Variants in LRCH4 observed in about 807,000 individuals in gnomAD.
LRCH4 encodes the protein leucine-rich repeat and calponin homology domain-containing protein 4.
In LRCH4, 56 loss-of-function variants were observed where a neutral mutation model predicts 81.2. The ratio of observed to expected loss-of-function variants is 0.69; its 90% CI spans 0.56 to 0.86. The LOEUF (loss-of-function observed/expected upper bound fraction) is 0.86. Ranked by LOEUF, LRCH4 falls within the 40% of genes least tolerant of loss-of-function variation. LRCH4 has a pLI of 0.00. For missense variants in LRCH4, 895 were observed against 922.8 expected (o/e 0.97, Z 0.39); for synonymous variants, 442 against 409.7 (o/e 1.08, Z -0.95).
At position 100,576,227 on chromosome 7, in the gene LRCH4, C is replaced by T; in HGVS notation, c.1638+11G>A. The T allele has an allele frequency of 1.2e-6, 2 of 1,613,534 alleles. No individual in the cohort carries two copies. The highest frequency in any genetic ancestry group is 1.7e-6 in the Non-Finnish European group (2 of 1,179,740). ...CAGGCCCCTGCCCACGCAGCTCCCGCCTCTGCTCACCTGGCGCAGCTGAGT... is the reference window on the plus strand; with the variant it reads ...CAGGCCCCTGCCCACGCAGCTCCCGTCTCTGCTCACCTGGCGCAGCTGAGT... On this transcript the variant is annotated intron_variant, in intron 15 of 17. Coordinates refer to ENST00000310300, the MANE Select transcript of LRCH4 (RefSeq NM_002319.5).
chr7:100,577,671 G>A lies in LRCH4; in HGVS notation c.1109C>T (p.Thr370Ile), dbSNP rs942529635. 4 of 1,613,666 alleles carry A rather than the reference G, an allele frequency of 2.5e-6. No individual in the cohort carries two copies. In the African/African-American group the frequency reaches 5.3e-5, roughly 22 times the overall value. Residue 370 changes from threonine to isoleucine, a missense_variant, in exon 9 of 18, where the codon ACT becomes ATT. Transcript: ENST00000310300. This position sits in a 1 kb window ranked among gnomAD's most constrained non-coding sequence, Gnocchi z 6.7. ...GCATAGCTGGGCTCTCACCTCCACA[G>A]TGCCTCGCTCTTCATCCTCCCCGGG... ...HVPGEDEERG[T>I]VEEQRPPELS...
rs60247889 is a variant in LRCH4 at position 100,574,461 on chromosome 7, C to T, written c.*646G>A. ...CGAGCATCACCGTGCGCTCGGGGCT[C>T]GGCGACAAATGAGACGCAAGAAAGC... On this transcript the variant is annotated 3_prime_UTR_variant, in exon 18 of 18. Coordinates refer to ENST00000310300, the MANE Select transcript of LRCH4 (RefSeq NM_002319.5). 19,029 of 153,144 alleles carry T rather than the reference C, an allele frequency of 0.12. 1,298 individuals carry two copies. Among genetic ancestry groups the T allele is most frequent in the African/African-American group, 0.18 (7,313 of 41,454 alleles). The allele number at this position is 153,144 out of a possible 1,614,324, so 9.5% of individuals were successfully genotyped here. A position where few individuals can be genotyped will look rare whatever the true frequency, so the allele number is the denominator to read the frequency against.
At position 100,574,495 on chromosome 7, in the gene LRCH4, A is replaced by G. The variant is rs1283718427; in HGVS notation, c.*612T>C. ...ATGAGACGCAAGAAAGCTGTCAGCG[A>G]TAACAGAAGGGAGGTGACACGGGGG... is the stretch of plus-strand genomic sequence containing the variant. On this transcript the variant is annotated 3_prime_UTR_variant, in exon 18 of 18. Transcript: ENST00000310300. The G allele has an allele frequency of 6.6e-6, 1 of 152,522 alleles. No homozygotes were observed. Among genetic ancestry groups the G allele is most frequent in the African/African-American group, 2.4e-5 (1 of 41,422 alleles). The allele number at this position is 152,522 out of a possible 1,614,324, so 9.4% of individuals were successfully genotyped here.
chr7:100,577,179 G>C lies in LRCH4; in HGVS notation c.1296-25C>G, dbSNP rs1429489187. ...GCTGGAACAAGGAGAGGTGGGGTCA[G>C]CTAGCCCCAAGGCAGAACGGCTCAG... On this transcript the variant is annotated intron_variant, in intron 11 of 17. Coordinates refer to ENST00000310300, the MANE Select transcript of LRCH4 (RefSeq NM_002319.5). The surrounding 1 kb of genome is among the most constrained non-coding windows in gnomAD (Gnocchi z 6.7). 6.2e-7 allele frequency: 1 copy of C among 1,613,458 alleles called. No homozygotes were observed. Among genetic ancestry groups the C allele is most frequent in the Non-Finnish European group, 8.5e-7 (1 of 1,179,972 alleles).
chr7:100,579,203 G>C (rs1170113409), intron 4 of LRCH4: 1 of 200,124 alleles, frequency 5.0e-6, no homozygotes, highest in Non-Finnish European at 1.0e-5. Context: ...AGCGGATTGT[G>C]GCCGCCCGGG....
At position 100,577,440 on chromosome 7, in the gene LRCH4, A is replaced by C. The variant is rs372390794; in HGVS notation, c.1179-51T>G. On this transcript the variant is annotated intron_variant, in intron 10 of 17. Coordinates refer to ENST00000310300, the MANE Select transcript of LRCH4 (RefSeq NM_002319.5). This position sits in a 1 kb window ranked among gnomAD's most constrained non-coding sequence, Gnocchi z 6.7. ...GGGCAGACCCCGGGGTCAGGGAAGGAGGCGGTTGGGGGGTGGGAGGATCGG... is the reference window on the plus strand; with the variant it reads ...GGGCAGACCCCGGGGTCAGGGAAGGCGGCGGTTGGGGGGTGGGAGGATCGG... 8.7e-6 allele frequency: 14 copies of C among 1,601,084 alleles called. No homozygotes were observed. Among genetic ancestry groups the C allele is most frequent in the Non-Finnish European group, 1.1e-5 (13 of 1,179,534 alleles).
rs375555119 is a variant in LRCH4 at position 100,582,106 on chromosome 7, C to T, written c.427G>A (p.Val143Ile). ...ICQLPLRVLIVSNNKLGALPP... is the reference protein window; with the variant it reads ...ICQLPLRVLIISNNKLGALPP... Reference sequence around the variant, plus strand: ...AGGGCTCCCAGCTTGTTGTTGCTGACGATGAGGACCCTCAGGGGCAGCTGG... The same window carrying T: ...AGGGCTCCCAGCTTGTTGTTGCTGATGATGAGGACCCTCAGGGGCAGCTGG... Residue 143 changes from valine (V) to isoleucine (I), a missense_variant, in exon 3 of 18, where the codon GTC becomes ATC. By Grantham distance (29) the Val-to-Ile change is conservative (BLOSUM62 3). Coordinates refer to ENST00000310300, the MANE Select transcript of LRCH4 (RefSeq NM_002319.5). This position sits in a 1 kb window ranked among gnomAD's most constrained non-coding sequence, Gnocchi z 5.0. 1.1e-5 allele frequency: 18 copies of T among 1,612,254 alleles called. No homozygotes were observed. The highest frequency in any genetic ancestry group is 3.9e-4 in the Middle Eastern group (2 of 5,074).
Position 100,576,964 on chromosome 7 carries a change from G to C in LRCH4, c.1406C>G (p.Ala469Gly). The stretch of plus-strand genomic sequence containing the variant: ...GGCAGGGGCGGGGGCTCCCTGCCCC[G>C]CTGCAGCCCCTGCTTGGGAGGCACT... ...KSSASQAGAAAGQGAPAPAPA... is the reference protein window; with the variant it reads ...KSSASQAGAAGGQGAPAPAPA... Residue 469 changes from alanine to glycine, a missense_variant, in exon 13 of 18, where the codon GCG becomes GGG. By Grantham distance (60) the Ala-to-Gly change is moderately conservative. This residue lies in a region of LRCH4 where 529 missense variants were observed against 504.9 expected (regional missense o/e 1.05). Transcript: ENST00000310300. The C allele has an allele frequency of 6.3e-7, 1 of 1,592,938 alleles. No individual in the cohort carries two copies. The highest frequency in any genetic ancestry group is 1.1e-5 in the South Asian group (1 of 89,224).
At position 100,574,914 on chromosome 7, in the gene LRCH4, C is replaced by G; in HGVS notation, c.*193G>C. 2 of 575,582 alleles carry G rather than the reference C, an allele frequency of 3.5e-6. No homozygotes were observed. The allele number at this position is 575,582 out of a possible 1,614,324, so 35.7% of individuals were successfully genotyped here. On this transcript the variant is annotated 3_prime_UTR_variant, in exon 18 of 18. Transcript: ENST00000310300. ...TGAGAGGTGGGGACTCGTGGGGCTA[C>G]TGGAGGGAGGCCAGAGGCTGGGGGC...
chr7:100,577,423 C>A lies in LRCH4; in HGVS notation c.1179-34G>T. 3 of 1,600,534 alleles carry A rather than the reference C, an allele frequency of 1.9e-6. No individual in the cohort carries two copies. Among genetic ancestry groups the A allele is most frequent in the Non-Finnish European group, 8.5e-7 (1 of 1,179,598 alleles). On this transcript the variant is annotated intron_variant, in intron 10 of 17. Transcript: ENST00000310300. The surrounding 1 kb of genome is among the most constrained non-coding windows in gnomAD (Gnocchi z 6.7). ...CCAAGACAGGGCAAGAGGGGCAGAC[C>A]CCGGGGTCAGGGAAGGAGGCGGTTG...
At position 100,586,027 on chromosome 7, in the gene LRCH4, G is replaced by T. The variant is rs377121985; in HGVS notation, c.74C>A (p.Ser25Tyr). ...ACTGCGTCTCCCCGGCAGACCTGGA[G>T]ACCCGGGCACGGAGGTCGTGGCTGC... Reference protein sequence around the residue: ...EAAATTSVPGSPGLPGRRSAE... With the variant: ...EAAATTSVPGYPGLPGRRSAE... Residue 25 changes from serine (S) to tyrosine (Y), a missense_variant, in exon 1 of 18, where the codon TCT becomes TAT. Ser to Tyr is a moderately radical substitution (Grantham distance 144). Transcript: ENST00000310300. 4.4e-6 allele frequency: 7 copies of T among 1,603,062 alleles called. No homozygotes were observed. The highest frequency in any genetic ancestry group is 6.0e-6 in the Non-Finnish European group (7 of 1,175,160).
Position 100,582,521 on chromosome 7 carries a change from T to TCCCCC in LRCH4, c.221-67_221-63dup. ...GGCCCAGCCCGGACAGGACCTTCAG[T>TCCCCC]CCCCCCAGAGCCGGCTGCCCACTCC... On this transcript the variant is annotated intron_variant, in intron 1 of 17. Coordinates refer to ENST00000310300, the MANE Select transcript of LRCH4 (RefSeq NM_002319.5). This position sits in a 1 kb window ranked among gnomAD's most constrained non-coding sequence, Gnocchi z 5.0. The TCCCCC allele has an allele frequency of 6.5e-7, 1 of 1,545,738 alleles. No individual in the cohort carries two copies. The highest frequency in any genetic ancestry group is 1.4e-5 in the African/African-American group (1 of 73,578).
rs1281829692 is a variant in LRCH4, at chr7:100,582,580, A to G, written c.221-121T>C. The G allele has an allele frequency of 5.1e-6, 5 of 984,612 alleles. No homozygotes were observed. The highest frequency in any genetic ancestry group is 3.0e-5 in the South Asian group (2 of 65,700). The allele number at this position is 984,612 out of a possible 1,614,324, so 61.0% of individuals were successfully genotyped here. ...CACACCTAAAGATTCAAGGCCATCA[A>G]TGTGGCCTCCCAGGAGAGATAACAA... is the stretch of plus-strand genomic sequence containing the variant. On this transcript the variant is annotated intron_variant, in intron 1 of 17. Coordinates refer to ENST00000310300, the MANE Select transcript of LRCH4 (RefSeq NM_002319.5). The surrounding 1 kb of genome is among the most constrained non-coding windows in gnomAD (Gnocchi z 5.0).
At position 100,581,851 on chromosome 7, in the gene LRCH4, G is replaced by A. The variant is rs541658430; in HGVS notation, c.524C>T (p.Pro175Leu). The A allele has an allele frequency of 6.2e-7, 1 of 1,614,196 alleles. No homozygotes were observed. The highest frequency in any genetic ancestry group is 1.1e-5 in the South Asian group (1 of 91,084). ...DVSSNELQSL[P>L]SELCGLSSLR... ...GGAAGAGAGGCCACACAGTTCCGAG[G>A]GCAGGGATTGGAGCTCGTTGCTGCT... Residue 175 changes from proline (P) to leucine (L), a missense_variant, in exon 4 of 18, where the codon CCC (proline) becomes CTC (leucine). By Grantham distance (98) the Pro-to-Leu change is moderately conservative. This residue lies in a region of LRCH4 where 360 missense variants were observed against 397.0 expected (regional missense o/e 0.91). Transcript: ENST00000310300.
In LRCH4 at chr7:100,576,758, C is replaced by T. The variant is rs1801373803; in HGVS notation, c.1488G>A (p.Arg496=). Residue 496 remains arginine (R), a synonymous_variant, in exon 14 of 18, where the codon CGG becomes CGA. Transcript: ENST00000310300. ...IAGPATAPAP[R]PLGSIQRPNS... ...TTGGTCTCTGAATGGAGCCAAGTGG[C>T]CGTGGAGCAGGTGCTGTCGCTGGGG... 1.3e-6 allele frequency: 2 copies of T among 1,595,772 alleles called. No homozygotes were observed. Among genetic ancestry groups the T allele is most frequent in the East Asian group, 2.3e-5 (1 of 44,142 alleles).
rs765479088 is a variant in LRCH4, at chr7:100,578,605, C to G, written c.735+45G>C. On this transcript the variant is annotated intron_variant, in intron 5 of 17. Transcript: ENST00000310300. The surrounding 1 kb of genome is among the most constrained non-coding windows in gnomAD (Gnocchi z 5.7). ...CCAAGGGGACCAACCCCACTCCTGC[C>G]TAGCCACACCCCTGTCCTCGTGGCC... 2 of 1,604,924 alleles carry G rather than the reference C, an allele frequency of 1.2e-6. No homozygotes were observed. Among genetic ancestry groups the G allele is most frequent in the Non-Finnish European group, 1.7e-6 (2 of 1,174,620 alleles).
chr7:100,578,474 A>G lies in LRCH4; in HGVS notation c.773T>C (p.Leu258Ser). The G allele has an allele frequency of 6.2e-7, 1 of 1,614,072 alleles. No individual in the cohort carries two copies. The change falls in exon 6 of 18, where the codon TTG becomes TCG. Residue 258 changes from leucine to serine, a missense_variant. Coordinates refer to ENST00000310300, the MANE Select transcript of LRCH4 (RefSeq NM_002319.5). This position sits in a 1 kb window ranked among gnomAD's most constrained non-coding sequence, Gnocchi z 5.7. ...LKGKLHIFKYLSTEAGQRGSA... is the reference protein window; with the variant it reads ...LKGKLHIFKYSSTEAGQRGSA... ...CCCACGCTGCCCGGCCTCTGTGGAC[A>G]AATACTTGAAGATGTGAAGTTTCCC...
intron 14 of LRCH4, 25 bp from the exon 15 acceptor site, chr7:100,576,348 G>A (rs763959447): frequency 3.1e-5 from 48 of 1,557,052 alleles, no homozygotes; most frequent in Non-Finnish European, 4.2e-5. Flanking sequence ...GGGGCATGGG[G>A]CTGCCTCCAC....
In LRCH4 at chr7:100,577,702, G is replaced by A. The variant is rs756948432; in HGVS notation, c.1078C>T (p.His360Tyr). 2 of 1,614,086 alleles carry A rather than the reference G, an allele frequency of 1.2e-6. No homozygotes were observed. Among genetic ancestry groups the A allele is most frequent in the Admixed American group, 3.3e-5 (2 of 60,036 alleles). The change falls in exon 9 of 18, where the codon CAT (histidine) becomes TAT (tyrosine). Residue 360 changes from histidine (H) to tyrosine (Y), a missense_variant. Around this residue, in one of 3 missense-constraint regions of LRCH4, gnomAD observed 529 missense variants for 504.9 expected, o/e 1.05. Coordinates refer to ENST00000310300, the MANE Select transcript of LRCH4 (RefSeq NM_002319.5). The surrounding 1 kb of genome is among the most constrained non-coding windows in gnomAD (Gnocchi z 6.7). ...DPVQIDFIDSHVPGEDEERGT... is the reference protein window; with the variant it reads ...DPVQIDFIDSYVPGEDEERGT... ...CGCTCTTCATCCTCCCCGGGGACAT[G>A]GCTGTCGATGAAGTCAATCTGCACA...
Sources: allele counts gnomAD v4.1 joint callset, GRCh38; gene constraint gnomAD v4.1.1; regional missense constraint gnomAD v4.1.1; non-coding constraint Gnocchi (gnomAD v3.1); transcripts MANE v1.5; gene names NCBI Gene and HGNC (gene_info 2026-07-23, HGNC 2026-07-21).